The following HELZ variants were observed in gnomAD, a reference collection of about 807,000 sequenced individuals.
HELZ encodes the protein helicase with zinc finger.
HELZ carries 23 observed loss-of-function variants against 218.2 expected under a neutral mutation model. That is an observed-to-expected ratio of 0.11 (90% CI 0.08 to 0.15). The LOEUF (loss-of-function observed/expected upper bound fraction) is 0.15. HELZ is among the 10% of genes least tolerant of loss of function. HELZ has a pLI of 1.00. For missense variants in HELZ, 1,813 were observed against 2,353.7 expected, an observed-to-expected ratio of 0.77 and a Z score of 4.75; for synonymous variants, 814 against 829.4, an observed-to-expected ratio of 0.98 and a Z score of 0.32.
chr17:67,151,588 G>A (rs945669277), intron 17 of HELZ, among the ~76,000 whole-genome samples: 1 of 151,994 alleles, frequency 6.6e-6, no homozygotes, highest in Non-Finnish European at 1.5e-5. Context: ...TTTCTAGAAC[G>A]TTCTTACAAA....
chr17:67,189,064 C>A (rs1418041612), intron 11 of HELZ, among the ~76,000 whole-genome samples: 1 of 152,130 alleles, frequency 6.6e-6, no homozygotes, highest in Non-Finnish European at 1.5e-5. Flanking sequence ...ACAAAAAAGA[C>A]AAAAACTTTT....
chr17:67,117,644 G>A (rs1053091979), intron 27 of HELZ, among the ~76,000 whole-genome samples: 6 of 150,844 alleles, frequency 4.0e-5, no homozygotes, highest in Non-Finnish European at 8.9e-5. Context: ...CTGCCTCCCA[G>A]GTTCAAGCGA....
At chr17:67,107,842 T>C (rs1170959767) in intron 30 of HELZ, among the ~76,000 whole-genome samples, 157 bp from the exon 31 acceptor site, 1 of 152,204 alleles carries the variant, frequency 6.6e-6, no homozygotes, top group Non-Finnish European at 1.5e-5. Context: ...TAACACTCAA[T>C]AGATGCTGAG....
At position 67,171,708 on chromosome 17, in the gene HELZ, C is replaced by T. The variant is rs2039315015; in HGVS notation, c.1431-3912G>A. 3.3e-5 allele frequency among the ~76,000 whole-genome samples: 5 copies of T among 152,162 alleles called. No homozygotes were observed. The South Asian group carries it at 1.0e-3, about 32-fold the overall frequency. On this transcript the variant is annotated intron_variant, in intron 13 of 32. Coordinates refer to ENST00000358691, the MANE Select transcript of HELZ (RefSeq NM_014877.4). Reference sequence around the variant, plus strand: ...AGTTTCTCTCTCATTTACCCTGTCCCCACCACACAAGCACCCTCCATTGCA... The same window carrying T: ...AGTTTCTCTCTCATTTACCCTGTCCTCACCACACAAGCACCCTCCATTGCA...
chr17:67,156,892 C>A (rs569444908), intron 17 of HELZ, among the ~76,000 whole-genome samples: 1 of 152,310 alleles, frequency 6.6e-6, no homozygotes, highest in Admixed American at 6.5e-5. Flanking sequence ...ATGTAATCCC[C>A]AGTGTTGGAG....
Position 67,188,234 on chromosome 17 carries a change from C to T in HELZ, c.1162+85G>A, listed in dbSNP as rs1256223161. ...TCTTTATTACTATTCTCTTCCTATC[C>T]ATGGAATATATTCAGGGGCCAATAC... On this transcript the variant is annotated intron_variant, in intron 12 of 32. Coordinates refer to ENST00000358691, the MANE Select transcript of HELZ (RefSeq NM_014877.4). This position sits in a 1 kb window ranked among gnomAD's most constrained non-coding sequence, Gnocchi z 4.1. The T allele has an allele frequency of 5.6e-6, 7 of 1,246,412 alleles. No homozygotes were observed. The highest frequency in any genetic ancestry group is 7.9e-6 in the Non-Finnish European group (7 of 887,784). The allele number at this position is 1,246,412 out of a possible 1,614,324, so 77.2% of individuals were successfully genotyped here. A position where few individuals can be genotyped will look rare whatever the true frequency, so the allele number is the denominator to read the frequency against.
intron 1 of HELZ, chr17:67,244,779 G>C (rs1019160552): frequency 2.0e-6 from 2 of 985,170 alleles, no homozygotes; most frequent in Admixed American, 1.2e-4. Context: ...GCGACCCGGA[G>C]GAGGGGAACG....
chr17:67,090,404 G>C (rs1376424924), intron 31 of HELZ, among the ~76,000 whole-genome samples: 2 of 152,100 alleles, frequency 1.3e-5, no homozygotes, highest in African/African-American at 4.8e-5. Context: ...TGGTATCAGA[G>C]TAATGCTGGC....
chr17:67,202,023 T>C (rs960920113), intron 6 of HELZ, among the ~76,000 whole-genome samples: 73 of 152,298 alleles, frequency 4.8e-4, no homozygotes, highest in East Asian at 3.3e-3. Context: ...TAACTTCTTT[T>C]TTTTTAACCA....
In HELZ at chr17:67,224,752, C is replaced by T. The variant is rs190309216; in HGVS notation, c.-18-5930G>A. The T allele has an allele frequency of 2.5e-5, 29 of 1,155,318 alleles. No homozygotes were observed. The East Asian group carries it at 6.8e-4, about 27-fold the overall frequency. 71.6% of individuals were successfully genotyped at this position (1,155,318 alleles called of 1,614,324 possible). A position where few individuals can be genotyped will look rare whatever the true frequency, so the allele number is the denominator to read the frequency against. On this transcript the variant is annotated intron_variant, in intron 3 of 32. Transcript: ENST00000358691. ...CATGGTGAACGTTGCTAAAACCCGCCGGACTTTCTGTAAGAAGTGTGGCAA... is the reference window on the plus strand; with the variant it reads ...CATGGTGAACGTTGCTAAAACCCGCTGGACTTTCTGTAAGAAGTGTGGCAA...
In HELZ at chr17:67,167,458, C is replaced by G; in HGVS notation, c.1764+5G>C. 1 of 1,599,836 alleles carries G rather than the reference C, an allele frequency of 6.3e-7. No individual in the cohort carries two copies. The highest frequency in any genetic ancestry group is 8.6e-7 in the Non-Finnish European group (1 of 1,168,086). The stretch of plus-strand genomic sequence containing the variant: ...CTATGGTTAAGCTGCAACCTTCAAA[C>G]ATACCTGTGTGTCACAGTCAGGCCG... On this transcript the variant is annotated splice_donor_5th_base_variant and intron_variant, in intron 14 of 32. Coordinates refer to ENST00000358691, the MANE Select transcript of HELZ (RefSeq NM_014877.4).
chr17:67,172,245 A>C (rs778237833), intron 13 of HELZ, among the ~76,000 whole-genome samples: 5 of 152,070 alleles, frequency 3.3e-5, no homozygotes, highest in Non-Finnish European at 7.4e-5. Flanking sequence ...CCTTTTCTCC[A>C]CTAAGATGAG....
At chr17:67,148,800 A>G in intron 19 of HELZ, 86 bp from the exon 20 acceptor site, 4 of 1,265,988 alleles carry the variant, frequency 3.2e-6, no homozygotes. Flanking sequence ...CACTATGCTA[A>G]AACTTCTTAT....
chr17:67,146,523 T>C (rs916074473), intron 20 of HELZ, among the ~76,000 whole-genome samples: 5 of 152,174 alleles, frequency 3.3e-5, no homozygotes, highest in Non-Finnish European at 1.5e-5. Context: ...AATCACCTAA[T>C]GACACATTTC....
rs1209211615 is a variant in HELZ, at chr17:67,190,273, T to C, written c.640A>G (p.Arg214Gly). Reference sequence around the variant, plus strand: ...AATTTTATCAGCCGTGAAGCATATCTTTTCTGCCATTCTGCTAGTTCTTCC... The same window carrying C: ...AATTTTATCAGCCGTGAAGCATATCCTTTCTGCCATTCTGCTAGTTCTTCC... ...SQEELAEWQK[R>G]YASRLIKLKQ... Residue 214 changes from arginine (R) to glycine (G), a missense_variant, in exon 10 of 33, where the codon AGA (arginine) becomes GGA (glycine). Coordinates refer to ENST00000358691, the MANE Select transcript of HELZ (RefSeq NM_014877.4). The C allele has an allele frequency of 6.2e-7, 1 of 1,614,072 alleles. No homozygotes were observed. The highest frequency in any genetic ancestry group is 1.1e-5 in the South Asian group (1 of 91,076).
At chr17:67,186,144 A>G (rs2144268692) in intron 12 of HELZ, among the ~76,000 whole-genome samples, 1 of 147,816 alleles carries the variant, frequency 6.8e-6, no homozygotes, top group East Asian at 2.0e-4. Context: ...TAAAAAACAA[A>G]AACAAAATAA....
chr17:67,141,539 G>A (rs899193876), intron 21 of HELZ, among the ~76,000 whole-genome samples: 3 of 151,552 alleles, frequency 2.0e-5, no homozygotes, highest in Non-Finnish European at 1.5e-5. Flanking sequence ...GCCTTCTTTC[G>A]TATTAAGTGC....
chr17:67,202,218 T>C (rs1455542385), intron 6 of HELZ, among the ~76,000 whole-genome samples: 1 of 152,006 alleles, frequency 6.6e-6, no homozygotes, highest in Non-Finnish European at 1.5e-5. Context: ...TTTCTTAAGT[T>C]ACGAACTGGT....
In HELZ at chr17:67,188,556, T is replaced by C; in HGVS notation, c.925A>G (p.Ile309Val). 1 of 1,613,770 alleles carries C rather than the reference T, an allele frequency of 6.2e-7. No individual in the cohort carries two copies. Residue 309 changes from isoleucine to valine, a missense_variant, in exon 12 of 33, where the codon ATC becomes GTC. Physicochemically the swap from Ile to Val is conservative, Grantham distance 29. Around this residue, in one of 4 missense-constraint regions of HELZ, gnomAD observed 714 missense variants for 1,029.2 expected, o/e 0.69. Transcript: ENST00000358691. The surrounding 1 kb of genome is among the most constrained non-coding windows in gnomAD (Gnocchi z 4.1). ...LYDAHRPHFS[I>V]IAISAGDSTT... is the part of the protein sequence containing the mutation. The stretch of plus-strand genomic sequence containing the variant: ...CTATCTCCGGCAGATATTGCAATGA[T>C]ACTAAAATGAGGACGATGAGCATCA...
Sources: allele counts gnomAD v4.1 joint callset (sites outside exome capture counted in the v4.1 genomes callset), GRCh38; gene constraint gnomAD v4.1.1; regional missense constraint gnomAD v4.1.1; non-coding constraint Gnocchi (gnomAD v3.1); transcripts MANE v1.5; gene names NCBI Gene and HGNC (gene_info 2026-07-23, HGNC 2026-07-21).